Variants in BAIAP2 observed in about 807,000 individuals in gnomAD.
BAIAP2 encodes the protein BAR/IMD domain containing adaptor protein 2.
A neutral mutation model predicts 63.0 loss-of-function variants in BAIAP2; 18 were observed. The observed-to-expected ratio is 0.29, with a 90% confidence interval of 0.20 to 0.42. The LOEUF is 0.42. Ranked by LOEUF, BAIAP2 falls within the 10% of genes least tolerant of loss-of-function variation. The pLI is 1.00. For synonymous variants in BAIAP2, 386 were observed against 307.6 expected, an observed-to-expected ratio of 1.25 and a Z score of -2.67; for missense variants, 610 against 734.3, an observed-to-expected ratio of 0.83 and a Z score of 1.96.
chr17:81,066,755 CTG>C (rs1327879427), intron 3 of BAIAP2, among the ~76,000 whole-genome samples: 1 of 152,232 alleles, frequency 6.6e-6, no homozygotes, highest in Non-Finnish European at 1.5e-5. Context: ...CTCCTGCTCT[CTG>C]TGAGGCCAGG....
chr17:81,064,925 C>T (rs867401630), intron 3 of BAIAP2, among the ~76,000 whole-genome samples: 4 of 152,250 alleles, frequency 2.6e-5, no homozygotes, highest in Non-Finnish European at 4.4e-5. Flanking sequence ...AAGCTTCTCA[C>T]AGCCCTTCTA....
rs1437381837 is a variant in BAIAP2, at chr17:81,109,619, G to A, written c.1535+1110G>A. On this transcript the variant is annotated intron_variant, in intron 13 of 13. Coordinates refer to ENST00000428708, the MANE Select transcript of BAIAP2 (RefSeq NM_001144888.2). ...GCTCGAGGGGCCTCCTGAGGAAGCC[G>A]GCCGCTCCTGTGAGGGAGGCCGGGC... is the stretch of plus-strand genomic sequence containing the variant. The A allele has an allele frequency of 9.1e-6, 9 of 985,226 alleles. No individual in the cohort carries two copies. The South Asian group carries it at 1.4e-4, about 15-fold the overall frequency. 61.0% of individuals were successfully genotyped at this position (985,226 alleles called of 1,614,324 possible).
rs541914977 is a variant in BAIAP2 at position 81,097,015 on chromosome 17, C to T, written c.490-2913C>T. On this transcript the variant is annotated intron_variant, in intron 6 of 13. Transcript: ENST00000428708. ...GAGGAGGCAGCGGCAGTGGGGGTGG[C>T]GGCAGAGGCCTCAGCATGGAGCAGA... 4.7e-4 allele frequency among the ~76,000 whole-genome samples: 72 copies of T among 152,242 alleles called. 1 individual carries two copies. Among genetic ancestry groups the T allele is most frequent in the Non-Finnish European group, 2.5e-4 (17 of 67,996 alleles).
intron 6 of BAIAP2, 46 bp downstream of exon 6, chr17:81,086,626 A>ACT: frequency 6.2e-7 from 1 of 1,608,074 alleles, no homozygotes; most frequent in Non-Finnish European, 8.5e-7. Flanking sequence ...CCACCTTGGG[A>ACT]CTGCTCACCC....
intron 1 of BAIAP2, among the ~76,000 whole-genome samples, chr17:81,051,295 C>T (rs2048645726): frequency 6.6e-6 from 1 of 152,236 alleles, no homozygotes; most frequent in African/African-American, 2.4e-5. Context: ...CTCTGACATC[C>T]CAGAGCCTCT....
intron 3 of BAIAP2, among the ~76,000 whole-genome samples, chr17:81,082,366 C>T (rs1384286257): frequency 3.3e-5 from 5 of 152,324 alleles, no homozygotes; most frequent in East Asian, 3.9e-4. Context: ...GCTTTCCTCA[C>T]GCTGAATCCC....
At chr17:81,062,471 C>T (rs887530599) in intron 3 of BAIAP2, among the ~76,000 whole-genome samples, 2 of 152,172 alleles carry the variant, frequency 1.3e-5, no homozygotes, top group African/African-American at 2.4e-5. Flanking sequence ...AATTTCTCCC[C>T]ACAGCCTCAG....
chr17:81,116,601 TC>T lies in BAIAP2; in HGVS notation c.*766del, dbSNP rs1277162149. 2.5e-5 allele frequency: 11 copies of T among 448,510 alleles called. No individual in the cohort carries two copies. The Admixed American group carries it at 3.9e-4, about 16-fold the overall frequency. 27.8% of individuals were successfully genotyped at this position (448,510 alleles called of 1,614,324 possible). ...GAGTGCCCGCTGGCAGGTGGGGGCT[TC>T]CCCGCTTCCGGGGTCTGCCCCAGGA... is the stretch of plus-strand genomic sequence containing the variant. On this transcript the variant is annotated 3_prime_UTR_variant, in exon 14 of 14. Transcript: ENST00000428708.
chr17:81,043,970 C>T (rs1332284227), intron 1 of BAIAP2, among the ~76,000 whole-genome samples: 6 of 152,238 alleles, frequency 3.9e-5, no homozygotes, highest in African/African-American at 7.2e-5. Context: ...TGGCCACGAT[C>T]GCTAGCTTGT....
intron 1 of BAIAP2, among the ~76,000 whole-genome samples, chr17:81,050,901 C>T (rs946244112): frequency 1.3e-5 from 2 of 151,628 alleles, no homozygotes; most frequent in Admixed American, 6.6e-5. Context: ...AACGCGCATC[C>T]GGCAGCATTT....
intron 3 of BAIAP2, among the ~76,000 whole-genome samples, chr17:81,066,197 CTTGT>C (rs2051434878): frequency 6.6e-6 from 1 of 152,218 alleles, no homozygotes; most frequent in Non-Finnish European, 1.5e-5. Context: ...CCACAGCATG[CTTGT>C]TTGTGATCAC....
chr17:81,039,723 C>T (rs887839795), intron 1 of BAIAP2, among the ~76,000 whole-genome samples: 3 of 152,022 alleles, frequency 2.0e-5, no homozygotes, highest in Admixed American at 1.3e-4. Context: ...GCCTTGTCTT[C>T]GACTGAAGCT....
Position 81,035,178 on chromosome 17 carries a change from C to CCTGCTGCCGTTACCGCCG in BAIAP2, c.-67_-50dup, listed in dbSNP as rs1456512931. On this transcript the variant is annotated 5_prime_UTR_variant, in exon 1 of 14. Transcript: ENST00000428708. ...GGTTCGGGTCCGCTTTCGTCTCCGT[C>CCTGCTGCCGTTACCGCCG]CTGCTGCCGTTACCGCCGCTGCTGC... The CCTGCTGCCGTTACCGCCG allele has an allele frequency of 2.3e-5, 29 of 1,261,290 alleles. No homozygotes were observed. The highest frequency in any genetic ancestry group is 7.7e-5 in the Admixed American group (3 of 38,924). The allele number at this position is 1,261,290 out of a possible 1,614,324, so 78.1% of individuals were successfully genotyped here. A position where few individuals can be genotyped will look rare whatever the true frequency, so the allele number is the denominator to read the frequency against.
At chr17:81,113,496 C>T (rs558732068) in intron 13 of BAIAP2, among the ~76,000 whole-genome samples, 3 of 152,384 alleles carry the variant, frequency 2.0e-5, no homozygotes, top group South Asian at 4.1e-4. Context: ...CTCCTGGGCG[C>T]GTCTTTCCCA....
chr17:81,110,472 G>A (rs1406596479), intron 13 of BAIAP2: 19 of 1,015,134 alleles, frequency 1.9e-5, no homozygotes, highest in Non-Finnish European at 2.2e-5. Context: ...ATTGTGCCCT[G>A]TACTGCAGTT....
intron 3 of BAIAP2, among the ~76,000 whole-genome samples, chr17:81,078,093 C>A (rs1436804272): frequency 8.6e-5 from 9 of 104,986 alleles, no homozygotes; most frequent in East Asian, 2.9e-4. Flanking sequence ...CTCTGGGTGC[C>A]GGTGCGGGTG....
At chr17:81,102,751 C>T (rs1232040781) in intron 7 of BAIAP2, among the ~76,000 whole-genome samples, 4 of 152,178 alleles carry the variant, frequency 2.6e-5, no homozygotes, top group Non-Finnish European at 5.9e-5. Context: ...GCAGTGAAAG[C>T]CGGAGAGGCC....
chr17:81,058,922 G>GT (rs2144362035), intron 3 of BAIAP2, among the ~76,000 whole-genome samples: 1 of 152,254 alleles, frequency 6.6e-6, no homozygotes, highest in East Asian at 1.9e-4. Context: ...GCGGTGGGCT[G>GT]GGGGGTCGTG....
intron 6 of BAIAP2, among the ~76,000 whole-genome samples, chr17:81,095,479 C>T (rs536558300): frequency 1.3e-5 from 2 of 152,186 alleles, no homozygotes; most frequent in Non-Finnish European, 2.9e-5. Flanking sequence ...CCTGTACAGT[C>T]GTGGCCTCTC....
Sources: allele counts gnomAD v4.1 joint callset (sites outside exome capture counted in the v4.1 genomes callset), GRCh38; gene constraint gnomAD v4.1.1; transcripts MANE v1.5; gene names NCBI Gene and HGNC (gene_info 2026-07-23, HGNC 2026-07-21).